Variants in ADAMTS14 observed in about 807,000 individuals in gnomAD.
ADAMTS14 encodes ADAM metallopeptidase with thrombospondin type 1 motif 14, also known as A disintegrin and metalloproteinase with thrombospondin motifs 14.
Under a neutral mutation model 128.6 loss-of-function variants are expected in ADAMTS14, and 100 were observed. That is an observed-to-expected ratio of 0.78 (90% CI 0.66 to 0.92). ADAMTS14 has a LOEUF of 0.92. Among genes scored for constraint, ADAMTS14 ranks in the 40% least tolerant of loss-of-function variants. The pLI is 0.00. For synonymous variants in ADAMTS14, 665 were observed against 653.8 expected (o/e 1.02, Z -0.26); for missense variants, 1,562 against 1,658.6 (o/e 0.94, Z 1.01).
chr10:70,742,659 G>A (rs1842036916), intron 12 of ADAMTS14, among the ~76,000 whole-genome samples: 1 of 152,212 alleles, frequency 6.6e-6, no homozygotes, highest in South Asian at 2.1e-4. Context: ...TTGGGGAGAG[G>A]AGGGGCTGGG....
chr10:70,711,114 T>C (rs190541148), intron 4 of ADAMTS14, among the ~76,000 whole-genome samples: 38 of 152,306 alleles, frequency 2.5e-4, no homozygotes, highest in African/African-American at 7.9e-4. Flanking sequence ...GTGGGTCAAA[T>C]TGGGGGAGGG....
At chr10:70,752,980 G>A (rs1842392739) in intron 18 of ADAMTS14, among the ~76,000 whole-genome samples, 1 of 152,204 alleles carries the variant, frequency 6.6e-6, no homozygotes, top group Non-Finnish European at 1.5e-5. Context: ...TTGTTCCTTT[G>A]TATTGTTATT....
At chr10:70,728,573 C>G (rs1030404235) in intron 4 of ADAMTS14, among the ~76,000 whole-genome samples, 3 of 152,216 alleles carry the variant, frequency 2.0e-5, no homozygotes, top group African/African-American at 7.2e-5. Context: ...TCAGGAGCTT[C>G]CTGGCAGAGG....
At chr10:70,708,446 T>G (rs1031486322) in intron 3 of ADAMTS14, 142 bp from the exon 4 acceptor site, 2 of 692,002 alleles carry the variant, frequency 2.9e-6, no homozygotes, top group Admixed American at 6.0e-5. Flanking sequence ...TGACCTAGTA[T>G]GGAGCAATCC....
At chr10:70,735,078 G>A in intron 8 of ADAMTS14, 91 bp from the exon 9 acceptor site, 1 of 1,501,636 alleles carries the variant, frequency 6.7e-7, no homozygotes, top group South Asian at 1.3e-5. Context: ...ATTCTTGCAG[G>A]CCTTGCTCAT....
chr10:70,741,045 A>G lies in ADAMTS14; in HGVS notation c.1807A>G (p.Ser603Gly). 6.2e-7 allele frequency: 1 copy of G among 1,614,152 alleles called. No homozygotes were observed. Among genetic ancestry groups the G allele is most frequent in the Non-Finnish European group, 8.5e-7 (1 of 1,180,040 alleles). The change falls in exon 12 of 22, where the codon AGC (serine) becomes GGC (glycine). Residue 603 changes from serine (S) to glycine (G), a missense_variant. Physicochemically the swap from Ser to Gly is moderately conservative, Grantham distance 56 (BLOSUM62 0). Coordinates refer to ENST00000373207, the MANE Select transcript of ADAMTS14 (RefSeq NM_080722.4). ...GPMFEYQVCN[S>G]EECPGTYEDF... The stretch of plus-strand genomic sequence containing the variant: ...CATGTTCGAGTACCAGGTCTGCAAC[A>G]GCGAGGAGTGCCCTGGGACCTACGA...
intron 4 of ADAMTS14, among the ~76,000 whole-genome samples, chr10:70,712,719 C>A (rs1224144829): frequency 1.3e-5 from 2 of 152,172 alleles, no homozygotes; most frequent in Non-Finnish European, 2.9e-5. Flanking sequence ...TTCTCTGCAT[C>A]CGATTCCGAT....
chr10:70,722,705 C>T (rs1841309704), intron 4 of ADAMTS14, among the ~76,000 whole-genome samples: 1 of 152,186 alleles, frequency 6.6e-6, no homozygotes, highest in Non-Finnish European at 1.5e-5. Flanking sequence ...CAGGACCCAA[C>T]TCAAAGAGCT....
At chr10:70,752,000 C>A in intron 17 of ADAMTS14, 95 bp from the exon 18 acceptor site, 1 of 1,514,214 alleles carries the variant, frequency 6.6e-7, no homozygotes, top group Non-Finnish European at 8.8e-7. Flanking sequence ...TGGGATTGGC[C>A]CACAAGGCTC....
chr10:70,743,540 C>T lies in ADAMTS14; in HGVS notation c.1925-8C>T. 6.2e-7 allele frequency: 1 copy of T among 1,612,054 alleles called. No individual in the cohort carries two copies. Among genetic ancestry groups the T allele is most frequent in the East Asian group, 2.2e-5 (1 of 44,822 alleles). On this transcript the variant is annotated splice_polypyrimidine_tract_variant and splice_region_variant and intron_variant, in intron 12 of 21. Coordinates refer to ENST00000373207, the MANE Select transcript of ADAMTS14 (RefSeq NM_080722.4). Reference sequence around the variant, plus strand: ...GCTGGGGACTCAGCATAGTCCCTCTCCCTACAGACGCCCAGAAGTGTGAGC... The same window carrying T: ...GCTGGGGACTCAGCATAGTCCCTCTTCCTACAGACGCCCAGAAGTGTGAGC...
chr10:70,751,416 C>A, intron 16 of ADAMTS14, 62 bp from the exon 17 acceptor site: 1 of 1,528,584 alleles, frequency 6.5e-7, no homozygotes, highest in Non-Finnish European at 9.0e-7. Context: ...CCCCTCCCCT[C>A]CCAGTGCATG....
Position 70,735,160 on chromosome 10 carries a change from T to G in ADAMTS14, c.1353-9T>G. 6.2e-7 allele frequency: 1 copy of G among 1,610,134 alleles called. No individual in the cohort carries two copies. Among genetic ancestry groups the G allele is most frequent in the Non-Finnish European group, 8.5e-7 (1 of 1,177,308 alleles). On this transcript the variant is annotated splice_polypyrimidine_tract_variant and intron_variant, in intron 8 of 21. Coordinates refer to ENST00000373207, the MANE Select transcript of ADAMTS14 (RefSeq NM_080722.4). ...CAGCCTGGCTCACCTTCCTTGTCTC[T>G]ACTGGCAGCTCCTACGACTGCCTCC...
chr10:70,735,722 A>C (rs1035335525), intron 9 of ADAMTS14, among the ~76,000 whole-genome samples: 17 of 152,276 alleles, frequency 1.1e-4, no homozygotes, highest in Non-Finnish European at 2.2e-4. Flanking sequence ...CGTCAGTTCC[A>C]TGTCCCTGCT....
intron 2 of ADAMTS14, among the ~76,000 whole-genome samples, chr10:70,695,847 G>T (rs2132577693): frequency 6.6e-6 from 1 of 152,368 alleles, no homozygotes; most frequent in East Asian, 1.9e-4. Context: ...AGTACCTAAA[G>T]CCATGGTCCT....
intron 15 of ADAMTS14, among the ~76,000 whole-genome samples, chr10:70,746,401 C>A (rs1842178418): frequency 6.6e-6 from 1 of 152,170 alleles, no homozygotes; most frequent in Admixed American, 6.5e-5. Context: ...GAGAATAGAT[C>A]CGTGGCTGCC....
intron 4 of ADAMTS14, among the ~76,000 whole-genome samples, chr10:70,722,347 C>T (rs1841296880): frequency 6.6e-6 from 1 of 152,130 alleles, no homozygotes; most frequent in Non-Finnish European, 1.5e-5. Flanking sequence ...GTCACTGTGG[C>T]CATTCCTCTG....
chr10:70,741,176 A>G lies in ADAMTS14; in HGVS notation c.1924+14A>G. On this transcript the variant is annotated intron_variant, in intron 12 of 21. Transcript: ENST00000373207. ...AGCCTGACGATGGTGAGTGGGCCCC[A>G]CCCCCCTCCCACTCCATGTCCTTAG... 1 of 1,607,664 alleles carries G rather than the reference A, an allele frequency of 6.2e-7. No homozygotes were observed. The highest frequency in any genetic ancestry group is 1.4e-5 in the African/African-American group (1 of 73,520).
Position 70,750,026 on chromosome 10 carries a change from ACTTGTCCC to A in ADAMTS14, c.2427+45_2427+52del, listed in dbSNP as rs748244113. On this transcript the variant is annotated intron_variant, in intron 16 of 21. Transcript: ENST00000373207. ...TGCGGTGGCAACCCCTGCCCACCCCACTTGTCCCCTTAGCTCGCTACATCTGCTGCCAA... is the reference window on the plus strand; with the variant it reads ...TGCGGTGGCAACCCCTGCCCACCCCACTTAGCTCGCTACATCTGCTGCCAA... 1.9e-6 allele frequency: 3 copies of A among 1,603,496 alleles called. No homozygotes were observed. In the East Asian group the frequency reaches 6.7e-5, roughly 36 times the overall value.
intron 7 of ADAMTS14, 22 bp from the exon 8 acceptor site, chr10:70,733,863 T>C: frequency 6.2e-7 from 1 of 1,604,262 alleles, no homozygotes; most frequent in South Asian, 1.1e-5. Context: ...GTATCAGGAC[T>C]CCTCTGTCTT....
Sources: gnomAD v4.1 joint callset for allele counts (sites outside exome capture counted in the v4.1 genomes callset) on GRCh38, gnomAD v4.1.1 for gene constraint, MANE v1.5 for transcripts, NCBI Gene and HGNC (gene_info 2026-07-23, HGNC 2026-07-21) for gene names.